ROCK1: variants seen among roughly 807,000 people sequenced by gnomAD.
ROCK1 encodes the protein rho-associated protein kinase 1.
Under a neutral mutation model 196.8 loss-of-function variants are expected in ROCK1, and 36 were observed. The ratio of observed to expected loss-of-function variants is 0.18; its 90% CI spans 0.14 to 0.24. The LOEUF (loss-of-function observed/expected upper bound fraction) is 0.24, where lower values mean the gene tolerates loss of function less well. Among genes scored for constraint, ROCK1 ranks in the 10% least tolerant of loss-of-function variants. The probability of loss-of-function intolerance (pLI) is 1.00; values close to 1 mark genes in which losing one functional copy is unlikely to be tolerated. For synonymous variants in ROCK1, 443 were observed against 515.9 expected (o/e 0.86, Z 1.91); for missense variants, 920 against 1,562.0 (o/e 0.59, Z 6.93).
In ROCK1 at chr18:21,034,016, A is replaced by G. The variant is rs949142764; in HGVS notation, c.1052-5081T>C. 2.3e-4 allele frequency among the ~76,000 whole-genome samples: 34 copies of G among 147,606 alleles called. No individual in the cohort carries two copies. In the South Asian group the frequency reaches 2.4e-3, roughly 10 times the overall value. ...GCCACTGTACTCCAGCCTGGGCGAC[A>G]GAGCGAGACTCCATCTCAAAAAAAA... On this transcript the variant is annotated intron_variant, in intron 9 of 32. Coordinates refer to ENST00000399799, the MANE Select transcript of ROCK1 (RefSeq NM_005406.3).
intron 1 of ROCK1, among the ~76,000 whole-genome samples, chr18:21,075,805 T>G (rs1185160193): frequency 1.3e-5 from 2 of 151,206 alleles, no homozygotes; most frequent in Non-Finnish European, 2.9e-5. Flanking sequence ...TACAAAAAAT[T>G]AGCCGGGTAT....
At chr18:20,953,163 G>C (rs1388602077) in intron 32 of ROCK1, 1 of 169,806 alleles carries the variant, frequency 5.9e-6, no homozygotes, top group Non-Finnish European at 1.2e-5. Flanking sequence ...AAATAATTTT[G>C]TATGTTGGGA....
intron 13 of ROCK1, among the ~76,000 whole-genome samples, chr18:21,014,141 A>C (rs1167092093): frequency 6.6e-6 from 1 of 151,198 alleles, no homozygotes; most frequent in Non-Finnish European, 1.5e-5. Context: ...GTGATAGTGT[A>C]AGTTTTCTGA....
In ROCK1 at chr18:20,955,516, G is replaced by A. The variant is rs571460454; in HGVS notation, c.3513-271C>T. On this transcript the variant is annotated intron_variant, in intron 29 of 32. Coordinates refer to ENST00000399799, the MANE Select transcript of ROCK1 (RefSeq NM_005406.3). ...GCTGATGGAAACATAAAATTACACA[G>A]CCACTCTGGAAAAAGAATATGGCAA... The A allele has an allele frequency of 3.8e-5, 11 of 285,864 alleles. No homozygotes were observed. In the East Asian group the frequency reaches 7.5e-4, roughly 20 times the overall value. 17.7% of individuals were successfully genotyped at this position (285,864 alleles called of 1,614,324 possible). A position where few individuals can be genotyped will look rare whatever the true frequency, so the allele number is the denominator to read the frequency against.
At chr18:20,993,920 A>G (rs2035648378) in intron 16 of ROCK1, among the ~76,000 whole-genome samples, 2 of 152,238 alleles carry the variant, frequency 1.3e-5, no homozygotes, top group African/African-American at 4.8e-5. Context: ...AGGAAAATAG[A>G]TGAAGTACCA....
intron 22 of ROCK1, among the ~76,000 whole-genome samples, chr18:20,977,229 A>T (rs2143378617): frequency 6.6e-6 from 1 of 152,302 alleles, no homozygotes; most frequent in East Asian, 1.9e-4. Context: ...CCCTGATTGG[A>T]GTGCTGGGAA....
intron 29 of ROCK1, among the ~76,000 whole-genome samples, chr18:20,958,695 G>A (rs969927289): frequency 2.0e-5 from 3 of 150,102 alleles, no homozygotes; most frequent in South Asian, 2.1e-4. Context: ...TATGCTCAAG[G>A]CTCTTATATA....
In ROCK1 at chr18:20,949,498, GTTATCT is replaced by G. The variant is rs2035161577; in HGVS notation, c.*1880_*1885del. 1 of 152,298 alleles carries G rather than the reference GTTATCT, an allele frequency of 6.6e-6. No individual in the cohort carries two copies. The highest frequency in any genetic ancestry group is 2.1e-4 in the South Asian group (1 of 4,838). The allele number at this position is 152,298 out of a possible 1,614,324, so 9.4% of individuals were successfully genotyped here. A position where few individuals can be genotyped will look rare whatever the true frequency, so the allele number is the denominator to read the frequency against. ...TGGGTTTGCATCATAGGTGGGAGACGTTATCTTTATTATACTGGACAGTAAAAGAAC... is the reference window on the plus strand; with the variant it reads ...TGGGTTTGCATCATAGGTGGGAGACGTTATTATACTGGACAGTAAAAGAAC... On this transcript the variant is annotated 3_prime_UTR_variant, in exon 33 of 33. Coordinates refer to ENST00000399799, the MANE Select transcript of ROCK1 (RefSeq NM_005406.3).
chr18:21,091,156 C>T (rs1303540111), intron 1 of ROCK1, among the ~76,000 whole-genome samples: 1 of 151,992 alleles, frequency 6.6e-6, no homozygotes, highest in African/African-American at 2.4e-5. Context: ...ACCAATCTCT[C>T]CTCCTCCTCA....
chr18:21,095,673 C>T (rs2036606960), intron 1 of ROCK1, among the ~76,000 whole-genome samples: 1 of 143,828 alleles, frequency 7.0e-6, no homozygotes, highest in Non-Finnish European at 1.5e-5. Flanking sequence ...CTCATGGAGA[C>T]AGAGATAGGA....
intron 2 of ROCK1, among the ~76,000 whole-genome samples, chr18:21,050,104 T>C (rs1225677941): frequency 6.6e-6 from 1 of 152,118 alleles, no homozygotes; most frequent in Non-Finnish European, 1.5e-5. Flanking sequence ...CTACTAAAGG[T>C]TTTTATTAAT....
intron 17 of ROCK1, among the ~76,000 whole-genome samples, chr18:20,992,339 G>C (rs1598520471): frequency 6.6e-6 from 1 of 152,116 alleles, no homozygotes; most frequent in South Asian, 2.1e-4. Flanking sequence ...TTAACTCTTA[G>C]CTAGGTATAT....
chr18:21,097,212 T>A (rs1388446984), intron 1 of ROCK1, among the ~76,000 whole-genome samples: 1 of 152,148 alleles, frequency 6.6e-6, no homozygotes, highest in Non-Finnish European at 1.5e-5. Flanking sequence ...TAAGAAAAGA[T>A]GTAGTATAGA....
intron 32 of ROCK1, chr18:20,953,259 T>C (rs1380540542): frequency 5.0e-6 from 1 of 199,834 alleles, no homozygotes; most frequent in Non-Finnish European, 1.0e-5. Context: ...ACAGAAAAGA[T>C]GATGAAAAGT....
At chr18:21,044,782 G>A (rs781203037) in intron 5 of ROCK1, among the ~76,000 whole-genome samples, 1 of 152,136 alleles carries the variant, frequency 6.6e-6, no homozygotes, top group South Asian at 2.1e-4. Flanking sequence ...TATATGATCA[G>A]ATTAAGGGAT....
At chr18:20,971,745 T>C (rs1451822778) in intron 22 of ROCK1, among the ~76,000 whole-genome samples, 1 of 151,580 alleles carries the variant, frequency 6.6e-6, no homozygotes, top group Non-Finnish European at 1.5e-5. Flanking sequence ...ACAAAGTTCC[T>C]GCCCTCAGGG....
intron 8 of ROCK1, among the ~76,000 whole-genome samples, chr18:21,039,899 A>G (rs769836706): frequency 5.9e-5 from 9 of 152,078 alleles, no homozygotes. Context: ...TCTCTACTAA[A>G]AATATAAAAC....
chr18:20,972,001 G>A (rs2143366423), intron 22 of ROCK1, among the ~76,000 whole-genome samples: 1 of 152,236 alleles, frequency 6.6e-6, no homozygotes, highest in East Asian at 1.9e-4. Flanking sequence ...GTACTCTGGT[G>A]TTTTAGAAAG....
intron 1 of ROCK1, among the ~76,000 whole-genome samples, chr18:21,072,086 G>T (rs186764161): frequency 6.5e-4 from 99 of 152,274 alleles, no homozygotes; most frequent in Non-Finnish European, 1.2e-3. Flanking sequence ...GTAAATCTTA[G>T]GTCATGATGT....
Sources: gnomAD v4.1 joint callset for allele counts (sites outside exome capture counted in the v4.1 genomes callset) on GRCh38, gnomAD v4.1.1 for gene constraint, MANE v1.5 for transcripts, NCBI Gene and HGNC (gene_info 2026-07-23, HGNC 2026-07-21) for gene names.